The following SETD2 variants were observed in gnomAD, a reference collection of about 807,000 sequenced individuals.
SETD2 encodes histone-lysine N-methyltransferase SETD2.
A neutral mutation model predicts 242.1 loss-of-function variants in SETD2; 31 were observed. That is an observed-to-expected ratio of 0.13 (90% confidence interval 0.10 to 0.17). The LOEUF is 0.17. Among genes scored for constraint, SETD2 ranks in the 10% least tolerant of loss-of-function variants. The pLI, the probability that SETD2 is intolerant of heterozygous loss-of-function variation, is 1.00. For missense variants in SETD2, 2,481 were observed against 3,046.3 expected (o/e 0.81, Z 4.37); for synonymous variants, 1,006 against 1,066.5 (o/e 0.94, Z 1.11).
rs763855153 is a variant in SETD2, at chr3:47,057,025, G to A, written c.6759C>T (p.Ser2253=). 3 of 1,614,248 alleles carry A rather than the reference G, an allele frequency of 1.9e-6. No individual in the cohort carries two copies. Among genetic ancestry groups the A allele is most frequent in the Non-Finnish European group, 2.5e-6 (3 of 1,180,054 alleles). The change falls in exon 15 of 21, where the codon AGC becomes AGT. Residue 2253 remains serine (S), a synonymous_variant. Coordinates refer to ENST00000409792, the MANE Select transcript of SETD2 (RefSeq NM_014159.7). The part of the protein sequence containing the change: ...QSDGVVHQDS[S]VAVLPVPAPG... ...GGGCCGGCACTGGCAAGACAGCAAC[G>A]CTGGAGTCTTGGTGTACTACACCAT...
chr3:47,138,477 A>G (rs1478995411), intron 1 of SETD2, among the ~76,000 whole-genome samples: 1 of 151,758 alleles, frequency 6.6e-6, no homozygotes, highest in Non-Finnish European at 1.5e-5. Flanking sequence ...GCTGAAGTGC[A>G]ATGGCATGAT....
At chr3:47,074,171 A>T (rs1269744607) in intron 12 of SETD2, among the ~76,000 whole-genome samples, 1 of 152,224 alleles carries the variant, frequency 6.6e-6, no homozygotes, top group Non-Finnish European at 1.5e-5. Flanking sequence ...ATTGATATCA[A>T]GTAATCTTCA....
intron 12 of SETD2, among the ~76,000 whole-genome samples, chr3:47,067,406 CTTTTTTTTTTT>C (rs548953692): frequency 3.6e-5 from 3 of 83,900 alleles, no homozygotes; most frequent in East Asian, 3.0e-4. Flanking sequence ...TCCTGAGCAT[CTTTTTTTTTTT>C]TTTTTTTTTT....
At chr3:47,119,872 T>C in intron 3 of SETD2, 1 of 475,606 alleles carries the variant, frequency 2.1e-6, no homozygotes, top group South Asian at 1.8e-5. Context: ...GTTTTTTTGG[T>C]CAGACTTTCA....
At chr3:47,140,564 CAGAA>C (rs2043702458) in intron 1 of SETD2, among the ~76,000 whole-genome samples, 1 of 152,140 alleles carries the variant, frequency 6.6e-6, no homozygotes, top group Non-Finnish European at 1.5e-5. Context: ...GTGAATCACA[CAGAA>C]AGAGTTGACT....
At chr3:47,077,747 C>T (rs992209763) in intron 12 of SETD2, among the ~76,000 whole-genome samples, 1 of 151,970 alleles carries the variant, frequency 6.6e-6, no homozygotes, top group Non-Finnish European at 1.5e-5. Context: ...TGACCAATTC[C>T]GGGGCTGGGG....
At chr3:47,030,061 A>C (rs1316460921) in intron 18 of SETD2, among the ~76,000 whole-genome samples, 1 of 152,130 alleles carries the variant, frequency 6.6e-6, no homozygotes, top group Non-Finnish European at 1.5e-5. Flanking sequence ...AGGCAGGAGA[A>C]TCACTTAAAC....
chr3:47,049,019 G>A (rs1365136904), intron 15 of SETD2, among the ~76,000 whole-genome samples: 1 of 151,548 alleles, frequency 6.6e-6, no homozygotes, highest in African/African-American at 2.4e-5. Context: ...GAATGCAGTA[G>A]TGTGATCATA....
At chr3:47,051,770 G>A (rs1405637897) in intron 15 of SETD2, among the ~76,000 whole-genome samples, 2 of 151,238 alleles carry the variant, frequency 1.3e-5, no homozygotes, top group African/African-American at 2.4e-5. Context: ...GTTATTTCTA[G>A]AGTGACCAGG....
At chr3:47,137,439 C>T (rs565686829) in intron 1 of SETD2, among the ~76,000 whole-genome samples, 97 of 152,168 alleles carry the variant, frequency 6.4e-4, no homozygotes, top group Middle Eastern at 3.4e-3. Context: ...GATCCACCCA[C>T]CTCAGCCACC....
At chr3:47,087,988 CAAACAAATAAAT>C in intron 10 of SETD2, 113 bp downstream of exon 10, 1 of 1,024,292 alleles carries the variant, frequency 9.8e-7, no homozygotes, top group Non-Finnish European at 1.3e-6. Context: ...AACAAACAAA[CAAACAAATAAAT>C]AAATAAATAA....
chr3:47,146,938 C>CAA lies in SETD2; in HGVS notation c.71+16914_71+16915dup, dbSNP rs879342445. Among the ~76,000 whole-genome samples the CAA allele has an allele frequency of 2.2e-3, 244 of 111,536 alleles. 2 individuals are homozygous for CAA. The highest frequency in any genetic ancestry group is 7.3e-3 in the African/African-American group (217 of 29,834). 73.2% of individuals were successfully genotyped at this position (111,536 alleles called of 152,430 possible). On this transcript the variant is annotated intron_variant, in intron 1 of 20. Transcript: ENST00000409792. ...AGGTGACAGAGTGAGACCCTGTCTT[C>CAA]AAAAAAAAAAAAAAATTCCTTCATA...
At chr3:47,090,430 C>T (rs1194504293) in intron 9 of SETD2, among the ~76,000 whole-genome samples, 2 of 151,896 alleles carry the variant, frequency 1.3e-5, no homozygotes, top group African/African-American at 2.4e-5. Flanking sequence ...CGCTCTGTCG[C>T]CCAGACTGGA....
intron 17 of SETD2, among the ~76,000 whole-genome samples, chr3:47,039,045 C>T (rs1341139272): frequency 6.6e-6 from 1 of 152,072 alleles, no homozygotes; most frequent in East Asian, 1.9e-4. Context: ...ACCTATGGAA[C>T]TCATTTATTT....
intron 3 of SETD2, 93 bp downstream of exon 3, chr3:47,120,089 T>G: frequency 2.0e-6 from 2 of 996,108 alleles, no homozygotes; most frequent in Non-Finnish European, 2.9e-6. Flanking sequence ...CTCTTTCATG[T>G]GTTTAATCTC....
intron 3 of SETD2, chr3:47,119,542 T>C: frequency 5.6e-6 from 1 of 178,964 alleles, no homozygotes; most frequent in South Asian, 9.0e-5. Flanking sequence ...ATTCTTGTGA[T>C]GGTGATTAAG....
intron 18 of SETD2, among the ~76,000 whole-genome samples, chr3:47,035,275 T>C (rs771650065): frequency 2.6e-5 from 4 of 152,208 alleles, no homozygotes; most frequent in Non-Finnish European, 4.4e-5. Flanking sequence ...TGAGCAGACC[T>C]AACTACTACA....
rs2106647497 is a variant in SETD2, at chr3:47,121,362, G to T, written c.3274C>A (p.Gln1092Lys). 6.2e-7 allele frequency: 1 copy of T among 1,609,608 alleles called. No individual in the cohort carries two copies. Among genetic ancestry groups the T allele is most frequent in the East Asian group, 2.2e-5 (1 of 44,874 alleles). The change falls in exon 3 of 21, where the codon CAA (glutamine) becomes AAA (lysine). Residue 1092 changes from glutamine (Q) to lysine (K), a missense_variant. Transcript: ENST00000409792. ...TGGTCAGAATAGTGTCTATAACTTT[G>T]ACTGCTCCGAGAAGAACAAGGACTT... ...ETSPCSSRSSQSYRHYSDHWE... is the reference protein window; with the variant it reads ...ETSPCSSRSSKSYRHYSDHWE...
In SETD2 at chr3:47,042,719, C is replaced by A; in HGVS notation, c.7099-19G>T. On this transcript the variant is annotated intron_variant, in intron 16 of 20. Coordinates refer to ENST00000409792, the MANE Select transcript of SETD2 (RefSeq NM_014159.7). ...TTTCAGACTACAAAGAAAACACACA[C>A]ATTTTTGATCAGTGATCTCTCTCTT... 1 of 1,578,694 alleles carries A rather than the reference C, an allele frequency of 6.3e-7. No homozygotes were observed. The highest frequency in any genetic ancestry group is 8.6e-7 in the Non-Finnish European group (1 of 1,164,126).
Sources: gnomAD v4.1 joint callset for allele counts (sites outside exome capture counted in the v4.1 genomes callset) on GRCh38, gnomAD v4.1.1 for gene constraint, MANE v1.5 for transcripts, NCBI Gene and HGNC (gene_info 2026-07-23, HGNC 2026-07-21) for gene names.